The following LIN28B variants were observed in gnomAD, a reference collection of about 807,000 sequenced individuals.
The protein encoded by LIN28B is protein lin-28 homolog B.
A neutral mutation model predicts 21.9 loss-of-function variants in LIN28B; 5 were observed. The ratio of observed to expected loss-of-function variants is 0.23; its 90% confidence interval spans 0.12 to 0.48. LIN28B has a LOEUF of 0.48. Ranked by LOEUF, LIN28B falls within the 20% of genes least tolerant of loss-of-function variation. The probability of loss-of-function intolerance (pLI) is 0.98; values close to 1 mark genes in which losing one functional copy is unlikely to be tolerated. For synonymous variants in LIN28B, 109 were observed against 111.3 expected (o/e 0.98, Z 0.13); for missense variants, 245 against 310.5 (o/e 0.79, Z 1.58).
intron 2 of LIN28B, among the ~76,000 whole-genome samples, chr6:104,950,169 A>C (rs1008932515): frequency 2.6e-5 from 4 of 152,184 alleles, no homozygotes; most frequent in Non-Finnish European, 5.9e-5. Flanking sequence ...TTAAATATTA[A>C]AATTTAAACT....
chr6:105,051,939 G>T (rs1771915424), intron 3 of LIN28B, among the ~76,000 whole-genome samples: 1 of 152,198 alleles, frequency 6.6e-6, no homozygotes, highest in Admixed American at 6.5e-5. Context: ...GATAAATGCT[G>T]TGAAGAAAAT....
At chr6:105,033,759 A>G (rs1771470542) in intron 3 of LIN28B, among the ~76,000 whole-genome samples, 1 of 151,896 alleles carries the variant, frequency 6.6e-6, no homozygotes, top group Non-Finnish European at 1.5e-5. Flanking sequence ...AAACTAGCCT[A>G]TACTTGGGAC....
At chr6:105,054,100 T>C (rs1771975972) in intron 3 of LIN28B, among the ~76,000 whole-genome samples, 1 of 152,208 alleles carries the variant, frequency 6.6e-6, no homozygotes, top group Non-Finnish European at 1.5e-5. Flanking sequence ...ATTTAAAATA[T>C]GTCTCCTGCA....
chr6:104,946,438 A>C (rs1380126672), intron 2 of LIN28B, among the ~76,000 whole-genome samples: 1 of 152,186 alleles, frequency 6.6e-6, no homozygotes, highest in Admixed American at 6.5e-5. Context: ...AATTGCAAAA[A>C]ATAATTACAG....
In LIN28B at chr6:105,026,361, A is replaced by T; in HGVS notation, c.262A>T (p.Lys88Ter). 6.2e-7 allele frequency: 1 copy of T among 1,611,998 alleles called. No homozygotes were observed. The highest frequency in any genetic ancestry group is 8.5e-7 in the Non-Finnish European group (1 of 1,178,742). Residue 88 changes from lysine (K) to a stop codon, truncating the protein, a stop_gained, in exon 3 of 4, where the codon AAA becomes TAA. Transcript: ENST00000345080. LOFTEE classifies it high-confidence loss of function. ...KEGEPVEFTF[K>*]KSSKGLESIR... ...AGGAGAACCAGTGGAATTCACATTT[A>T]AAAAATCTTCCAAAGGCCTTGAGTC...
At chr6:105,050,635 G>A (rs866819713) in intron 3 of LIN28B, among the ~76,000 whole-genome samples, 5,282 of 46,502 alleles carry the variant, frequency 0.11, 3 homozygotes, top group South Asian at 0.15. Flanking sequence ...AAAAAAAAAA[G>A]AATGTTGAAC....
At chr6:104,977,504 C>G (rs186279882) in intron 2 of LIN28B, among the ~76,000 whole-genome samples, 18 of 151,944 alleles carry the variant, frequency 1.2e-4, no homozygotes, top group Non-Finnish European at 2.2e-4. Context: ...ATTGTAAACT[C>G]TATGTGGAAA....
rs183355258 is a variant in LIN28B, at chr6:105,065,668, G to A, written c.384-12746G>A. Among the ~76,000 whole-genome samples, 30 of 152,304 alleles carry A rather than the reference G, an allele frequency of 2.0e-4. No homozygotes were observed. The East Asian group carries it at 2.7e-3, about 14-fold the overall frequency. ...TTTAATTCCTTCTCATTGCTGTGTA[G>A]CTGTCAAGACAGGTGATGGCTTGGG... On this transcript the variant is annotated intron_variant, in intron 3 of 3. Transcript: ENST00000345080.
upstream of LIN28B, among the ~76,000 whole-genome samples, chr6:104,956,081 T>C (rs1490586374): frequency 2.6e-5 from 4 of 152,094 alleles, no homozygotes; most frequent in African/African-American, 7.2e-5. Flanking sequence ...AGGGTACAAG[T>C]CAATATGATA....
At chr6:105,040,425 A>G (rs898971747) in intron 3 of LIN28B, among the ~76,000 whole-genome samples, 5 of 152,054 alleles carry the variant, frequency 3.3e-5, no homozygotes, top group Non-Finnish European at 7.4e-5. Flanking sequence ...TCTCCTCTCA[A>G]GTGATAAATA....
chr6:105,050,607 T>TC (rs1357993631), intron 3 of LIN28B, among the ~76,000 whole-genome samples: 1 of 418 alleles, frequency 2.4e-3, no homozygotes, highest in Non-Finnish European at 8.2e-3. Context: ...AGACTCCGTC[T>TC]CAAAAAAAAA....
At chr6:104,939,639 T>C (rs1392208165) in intron 2 of LIN28B, 7 of 152,246 alleles carry the variant, frequency 4.6e-5, no homozygotes, top group Non-Finnish European at 7.4e-5. Context: ...AGTCATACAA[T>C]AGTAGCCAGT....
Position 105,080,434 on chromosome 6 carries a change from C to T in LIN28B, c.*1651C>T. The T allele has an allele frequency of 6.6e-6, 1 of 152,622 alleles. No homozygotes were observed. The highest frequency in any genetic ancestry group is 1.9e-4 in the East Asian group (1 of 5,202). The allele number at this position is 152,622 out of a possible 1,614,324, so 9.5% of individuals were successfully genotyped here. On this transcript the variant is annotated 3_prime_UTR_variant, in exon 4 of 4. Coordinates refer to ENST00000345080, the MANE Select transcript of LIN28B (RefSeq NM_001004317.4). ...GTTTCTACTTCCTCTCCCGCCTGTC[C>T]TGTCATGGGAGACGTGTATAGTTGC... is the stretch of plus-strand genomic sequence containing the variant.
In LIN28B at chr6:105,081,236, A is replaced by G. The variant is rs1772537107; in HGVS notation, c.*2453A>G. ...TAACTTATACCTTTATATAAGTATT[A>G]TGTACTGATGATAGTAACTACCTCT... On this transcript the variant is annotated 3_prime_UTR_variant, in exon 4 of 4. Coordinates refer to ENST00000345080, the MANE Select transcript of LIN28B (RefSeq NM_001004317.4). 1 of 152,666 alleles carries G rather than the reference A, an allele frequency of 6.6e-6. No individual in the cohort carries two copies. The highest frequency in any genetic ancestry group is 6.5e-5 in the Admixed American group (1 of 15,288). The allele number at this position is 152,666 out of a possible 1,614,324, so 9.5% of individuals were successfully genotyped here. A position where few individuals can be genotyped will look rare whatever the true frequency, so the allele number is the denominator to read the frequency against.
chr6:104,945,195 T>C (rs1778142364), intron 2 of LIN28B, among the ~76,000 whole-genome samples: 1 of 152,122 alleles, frequency 6.6e-6, no homozygotes, highest in Non-Finnish European at 1.5e-5. Flanking sequence ...TTATCTTTTG[T>C]ATTAGTCTGT....
At chr6:105,003,999 G>A (rs1416626522) in intron 2 of LIN28B, among the ~76,000 whole-genome samples, 1 of 152,118 alleles carries the variant, frequency 6.6e-6, no homozygotes, top group Non-Finnish European at 1.5e-5. Context: ...ACAATAGGCT[G>A]TCTGCATGCT....
At chr6:104,937,547 G>A (rs1778024889) in intron 2 of LIN28B, among the ~76,000 whole-genome samples, 1 of 152,140 alleles carries the variant, frequency 6.6e-6, no homozygotes, top group African/African-American at 2.4e-5. Flanking sequence ...TTACAGGCGT[G>A]AACCACCGCG....
chr6:105,041,365 T>G (rs1388332682), intron 3 of LIN28B, among the ~76,000 whole-genome samples: 1 of 152,212 alleles, frequency 6.6e-6, no homozygotes, highest in Non-Finnish European at 1.5e-5. Context: ...GTATAATGTC[T>G]TCTTTGTTAA....
chr6:105,026,840 C>A (rs1771296385), intron 3 of LIN28B, among the ~76,000 whole-genome samples: 1 of 152,054 alleles, frequency 6.6e-6, no homozygotes, highest in African/African-American at 2.4e-5. Context: ...ATTGTTTTGT[C>A]TGTTTTTGAA....
Sources: gnomAD v4.1 joint callset for allele counts (sites outside exome capture counted in the v4.1 genomes callset) on GRCh38, gnomAD v4.1.1 for gene constraint, MANE v1.5 for transcripts, NCBI Gene and HGNC (gene_info 2026-07-23, HGNC 2026-07-21) for gene names.